ZNF892: variants seen among roughly 807,000 people sequenced by gnomAD.
ZNF892 encodes zinc finger protein 892.
the ZNF892 span, among the ~76,000 whole-genome samples, chr2:95,230,849 GT>G: frequency 6.6e-6 from 1 of 152,214 alleles, no homozygotes; most frequent in African/African-American, 2.4e-5. Flanking sequence ...CCATTTTAAA[GT>G]GTGGGGAGTT....
At chr2:95,253,914 T>G in the ZNF892 span, among the ~76,000 whole-genome samples, 1 of 152,228 alleles carries the variant, frequency 6.6e-6, no homozygotes, top group Non-Finnish European at 1.5e-5. Context: ...TGCTTGTGAT[T>G]TTTGCACATT....
At chr2:95,213,020 T>C in the ZNF892 span, among the ~76,000 whole-genome samples, 18 of 152,236 alleles carry the variant, frequency 1.2e-4, no homozygotes, top group Non-Finnish European at 1.2e-4. Flanking sequence ...GTTGGCTAAT[T>C]ATACTTTCTT....
At chr2:95,211,779 A>C in the ZNF892 span, 12 of 398,166 alleles carry the variant, frequency 3.0e-5, no homozygotes, top group South Asian at 1.3e-4. Flanking sequence ...TGTCCTCCTC[A>C]GTTCCTAGGA....
the ZNF892 span, among the ~76,000 whole-genome samples, chr2:95,243,379 G>A: frequency 2.6e-5 from 4 of 151,096 alleles, no homozygotes; most frequent in East Asian, 2.0e-4. Context: ...GTTTCTGCCC[G>A]GCCGCCATCC....
the ZNF892 span, among the ~76,000 whole-genome samples, chr2:95,236,696 A>G: frequency 6.6e-6 from 1 of 152,230 alleles, no homozygotes; most frequent in South Asian, 2.1e-4. Context: ...AAGAGCTTTC[A>G]GGAAAGCATC....
the ZNF892 span, among the ~76,000 whole-genome samples, chr2:95,210,859 C>G: frequency 6.6e-6 from 1 of 152,094 alleles, no homozygotes; most frequent in Admixed American, 6.6e-5. Context: ...GAAGGCTTCC[C>G]TTGAAGTAAC....
At chr2:95,249,918 T>G in the ZNF892 span, among the ~76,000 whole-genome samples, 6 of 152,178 alleles carry the variant, frequency 3.9e-5, no homozygotes, top group African/African-American at 1.4e-4. Flanking sequence ...CCAAAAAGAT[T>G]TTGGAACTTA....
At chr2:95,243,583 C>T in the ZNF892 span, among the ~76,000 whole-genome samples, 9 of 151,728 alleles carry the variant, frequency 5.9e-5, no homozygotes, top group African/African-American at 1.5e-4. Context: ...GCAACCGCCC[C>T]GTCTGAGAAG....
chr2:95,216,711 T>G, the ZNF892 span, among the ~76,000 whole-genome samples: 1 of 152,232 alleles, frequency 6.6e-6, no homozygotes, highest in Admixed American at 6.5e-5. Flanking sequence ...ATGATGTATC[T>G]TGGTGTGAAT....
At chr2:95,227,445 T>C in the ZNF892 span, among the ~76,000 whole-genome samples, 1 of 151,664 alleles carries the variant, frequency 6.6e-6, no homozygotes, top group Non-Finnish European at 1.5e-5. Context: ...CACCTCAGCC[T>C]CCCAGGTAGC....
the ZNF892 span, among the ~76,000 whole-genome samples, chr2:95,241,220 C>T: frequency 6.6e-6 from 1 of 152,194 alleles, no homozygotes; most frequent in South Asian, 2.1e-4. Context: ...GTGAAACCCC[C>T]CCAACAAGCA....
At chr2:95,226,107 T>C in the ZNF892 span, among the ~76,000 whole-genome samples, 1 of 152,202 alleles carries the variant, frequency 6.6e-6, no homozygotes, top group Non-Finnish European at 1.5e-5. Flanking sequence ...ATGCAGTGGC[T>C]CTGATCCCAC....
At chr2:95,241,236 G>A in the ZNF892 span, among the ~76,000 whole-genome samples, 2 of 152,152 alleles carry the variant, frequency 1.3e-5, no homozygotes, top group Admixed American at 1.3e-4. Flanking sequence ...AAGCATGTTT[G>A]GGCCGGCAAC....
At chr2:95,241,781 A>C in the ZNF892 span, among the ~76,000 whole-genome samples, 10 of 152,198 alleles carry the variant, frequency 6.6e-5, no homozygotes, top group Non-Finnish European at 1.5e-4. Flanking sequence ...CAGCCAAAAT[A>C]GCCAGTTTAG....
the ZNF892 span, among the ~76,000 whole-genome samples, chr2:95,210,138 C>CATGTATATATGTATATATGTGTATAT: frequency 7.1e-6 from 1 of 141,142 alleles, no homozygotes; most frequent in Admixed American, 7.0e-5. Context: ...TATGTGTATA[C>CATGTATATATGTATATATGTGTATAT]ATGTATATAT....
At chr2:95,233,164 T>C in the ZNF892 span, among the ~76,000 whole-genome samples, 2 of 152,126 alleles carry the variant, frequency 1.3e-5, no homozygotes, top group Non-Finnish European at 2.9e-5. Context: ...GCTTTAGTTT[T>C]ACACATACAC....
At chr2:95,255,849 C>T in the ZNF892 span, among the ~76,000 whole-genome samples, 1 of 152,158 alleles carries the variant, frequency 6.6e-6, no homozygotes, top group Non-Finnish European at 1.5e-5. Context: ...TCCTTTGTCT[C>T]TTTTGATCTT....
chr2:95,260,640 G>A, the ZNF892 span, among the ~76,000 whole-genome samples: 2 of 152,128 alleles, frequency 1.3e-5, no homozygotes, highest in South Asian at 4.1e-4. Context: ...CAGTCTCCTG[G>A]GTTCTCATCC....
the ZNF892 span, chr2:95,215,099 C>T: frequency 2.0e-6 from 1 of 502,760 alleles, no homozygotes. Flanking sequence ...AGGTCATTCA[C>T]ACTGGAGAGA....
Sources: gnomAD v4.1 joint callset for allele counts (sites outside exome capture counted in the v4.1 genomes callset) on GRCh38, gnomAD v4.1.1 for gene constraint, MANE v1.5 for transcripts, NCBI Gene and HGNC (gene_info 2026-07-23, HGNC 2026-07-21) for gene names.